Variants in NEK10 observed in about 807,000 individuals in gnomAD.
NEK10 encodes NIMA related kinase 10.
A neutral mutation model predicts 159.8 loss-of-function variants in NEK10; 122 were observed. The observed-to-expected ratio is 0.76, with a 90% CI of 0.66 to 0.89. The LOEUF is 0.89. NEK10 is among the 40% of genes least tolerant of loss of function. The pLI, the probability that NEK10 is intolerant of heterozygous loss-of-function variation, is 0.00. For missense variants in NEK10, 1,342 were observed against 1,323.1 expected (o/e 1.01, Z -0.22); for synonymous variants, 466 against 457.1 (o/e 1.02, Z -0.25).
chr3:27,368,781 G>C (rs2049294721), intron 1 of NEK10, among the ~76,000 whole-genome samples: 1 of 152,098 alleles, frequency 6.6e-6, no homozygotes, highest in South Asian at 2.1e-4. Context: ...CCTGAGGCGA[G>C]GAAGTGGAAG....
intron 22 of NEK10, among the ~76,000 whole-genome samples, chr3:27,262,256 C>T (rs952967201): frequency 6.6e-6 from 1 of 152,170 alleles, no homozygotes; most frequent in Non-Finnish European, 1.5e-5. Flanking sequence ...TCTCTGGCTG[C>T]CCTTAACATT....
At chr3:27,347,443 G>A (rs1196017214) in intron 3 of NEK10, among the ~76,000 whole-genome samples, 5 of 129,886 alleles carry the variant, frequency 3.8e-5, no homozygotes, top group African/African-American at 6.0e-5. Flanking sequence ...CAGAGGTTGC[G>A]ATAAGCCAAG....
intron 10 of NEK10, among the ~76,000 whole-genome samples, chr3:27,308,575 G>A (rs746787556): frequency 1.5e-4 from 23 of 152,200 alleles, no homozygotes; most frequent in Non-Finnish European, 2.2e-4. Context: ...GTTTGAAAAC[G>A]TTCTGTATGT....
chr3:27,359,464 A>G (rs749627404), intron 1 of NEK10, among the ~76,000 whole-genome samples: 5 of 152,216 alleles, frequency 3.3e-5, no homozygotes, highest in Non-Finnish European at 7.4e-5. Context: ...AAAGGGACAT[A>G]TTAAAAGAAT....
At chr3:27,339,473 G>A (rs572779324) in intron 5 of NEK10, among the ~76,000 whole-genome samples, 95 of 152,156 alleles carry the variant, frequency 6.2e-4, no homozygotes, top group Non-Finnish European at 1.2e-3. Context: ...GGTCATTAGA[G>A]AAATGCAAAT....
At chr3:27,136,767 A>AT (rs1943261570) in intron 31 of NEK10, among the ~76,000 whole-genome samples, 1 of 152,134 alleles carries the variant, frequency 6.6e-6, no homozygotes, top group Non-Finnish European at 1.5e-5. Context: ...CTTTTAGATG[A>AT]TTTTCACTGA....
chr3:27,111,409 T>A, intron 35 of NEK10, 89 bp from the exon 36 acceptor site: 1 of 957,888 alleles, frequency 1.0e-6, no homozygotes, highest in Non-Finnish European at 1.6e-6. Context: ...CTCAGGCATA[T>A]AAGTAAATAA....
In NEK10 at chr3:27,260,567, A is replaced by G. The variant is rs1038140816; in HGVS notation, c.2015-4196T>C. Among the ~76,000 whole-genome samples, 4 of 152,228 alleles carry G rather than the reference A, an allele frequency of 2.6e-5. 1 individual carries two copies. Among genetic ancestry groups the G allele is most frequent in the Non-Finnish European group, 5.9e-5 (4 of 68,036 alleles). ...AACCAGCCTTGCATCCCAGGGATGA[A>G]GCCCACTTGATCATGGTGGATAAGC... On this transcript the variant is annotated intron_variant, in intron 22 of 35. Transcript: ENST00000691995.
chr3:27,349,618 T>A (rs1285116000), intron 3 of NEK10, among the ~76,000 whole-genome samples: 1 of 152,174 alleles, frequency 6.6e-6, no homozygotes, highest in African/African-American at 2.4e-5. Flanking sequence ...CTTTCTTCCA[T>A]CTTTTTTTAA....
At chr3:27,135,943 G>C (rs566011713) in intron 31 of NEK10, among the ~76,000 whole-genome samples, 3 of 152,170 alleles carry the variant, frequency 2.0e-5, no homozygotes, top group African/African-American at 7.2e-5. Context: ...AAAAAACACA[G>C]AACGTTTCAC....
intron 33 of NEK10, among the ~76,000 whole-genome samples, chr3:27,118,818 A>T (rs1940872877): frequency 6.6e-6 from 1 of 152,216 alleles, no homozygotes; most frequent in Non-Finnish European, 1.5e-5. Flanking sequence ...TTCTGCATAC[A>T]TAGGGTTTAG....
At chr3:27,365,325 C>T (rs947904129) in intron 1 of NEK10, among the ~76,000 whole-genome samples, 18 of 152,030 alleles carry the variant, frequency 1.2e-4, no homozygotes, top group African/African-American at 4.1e-4. Flanking sequence ...TAGACATGAG[C>T]CAGTCAATTG....
At chr3:27,119,959 C>T (rs1941055120) in intron 32 of NEK10, 91 bp from the exon 33 acceptor site, 1 of 859,748 alleles carries the variant, frequency 1.2e-6, no homozygotes, top group Non-Finnish European at 1.9e-6. Context: ...TTCCCTATGT[C>T]TCTGCACAGA....
intron 25 of NEK10, among the ~76,000 whole-genome samples, chr3:27,198,196 A>C (rs539751058): frequency 6.6e-6 from 1 of 152,268 alleles, no homozygotes; most frequent in Admixed American, 6.5e-5. Flanking sequence ...TAAAATGACA[A>C]TACTGCCCAA....
intron 1 of NEK10, among the ~76,000 whole-genome samples, chr3:27,359,065 G>A (rs907025690): frequency 6.6e-6 from 1 of 152,038 alleles, no homozygotes; most frequent in African/African-American, 2.4e-5. Context: ...AGCCAGGTGT[G>A]GTGGTGCATG....
At chr3:27,225,577 C>T (rs1952554286) in intron 23 of NEK10, among the ~76,000 whole-genome samples, 1 of 152,202 alleles carries the variant, frequency 6.6e-6, no homozygotes, top group Non-Finnish European at 1.5e-5. Flanking sequence ...TGTTAGGAAG[C>T]TTACAAAGTC....
chr3:27,185,123 A>C (rs1258628584), intron 26 of NEK10, among the ~76,000 whole-genome samples: 1 of 152,236 alleles, frequency 6.6e-6, no homozygotes, highest in East Asian at 1.9e-4. Context: ...AAAGAAGTGA[A>C]GTTATGAACA....
At chr3:27,162,073 A>T (rs560746959) in intron 30 of NEK10, among the ~76,000 whole-genome samples, 1 of 152,274 alleles carries the variant, frequency 6.6e-6, no homozygotes, top group Admixed American at 6.5e-5. Flanking sequence ...GGTAGAGGAG[A>T]TAGAAAAAAA....
intron 32 of NEK10, among the ~76,000 whole-genome samples, chr3:27,129,284 C>T (rs188213115): frequency 6.6e-6 from 1 of 152,234 alleles, no homozygotes; most frequent in Admixed American, 6.6e-5. Flanking sequence ...TAAGTAGGCA[C>T]AGTCATCCCA....
Sources: gnomAD v4.1 joint callset for allele counts (sites outside exome capture counted in the v4.1 genomes callset) on GRCh38, gnomAD v4.1.1 for gene constraint, MANE v1.5 for transcripts, NCBI Gene and HGNC (gene_info 2026-07-23, HGNC 2026-07-21) for gene names.